The following CSNK2A2IP variants were observed in gnomAD, a reference collection of about 807,000 sequenced individuals.
CSNK2A2IP encodes the protein casein kinase 2 subunit alpha' interacting protein.
At chr3:88,416,954 GTC>G in the CSNK2A2IP span, among the ~76,000 whole-genome samples, 1 of 151,826 alleles carries the variant, frequency 6.6e-6, no homozygotes, top group African/African-American at 2.4e-5. Context: ...CACTATGAGT[GTC>G]TCTCTGAATT....
At chr3:88,368,808 G>A in the CSNK2A2IP span, among the ~76,000 whole-genome samples, 1 of 152,044 alleles carries the variant, frequency 6.6e-6, no homozygotes, top group Non-Finnish European at 1.5e-5. Flanking sequence ...TAGGGTGGAT[G>A]CCAGTAGCTA....
chr3:88,396,451 G>A, the CSNK2A2IP span, among the ~76,000 whole-genome samples: 109 of 152,276 alleles, frequency 7.2e-4, 1 homozygote, highest in African/African-American at 2.3e-3. Flanking sequence ...TTGACCTTAG[G>A]AGGAGAGTAC....
chr3:88,461,616 G>T, the CSNK2A2IP span, among the ~76,000 whole-genome samples: 11 of 152,058 alleles, frequency 7.2e-5, no homozygotes, highest in African/African-American at 1.2e-4. Context: ...CAAAGGAGTT[G>T]TATCAACTTA....
At chr3:88,339,021 G>A in the CSNK2A2IP span, among the ~76,000 whole-genome samples, 1 of 151,776 alleles carries the variant, frequency 6.6e-6, no homozygotes, top group African/African-American at 2.4e-5. Context: ...AGGGTAATTG[G>A]GGTAGCCATT....
the CSNK2A2IP span, among the ~76,000 whole-genome samples, chr3:88,358,312 G>A: frequency 1.3e-5 from 2 of 151,836 alleles, no homozygotes; most frequent in African/African-American, 4.8e-5. Flanking sequence ...TTCCAATTTG[G>A]GTGCCCTTTA....
chr3:88,413,354 T>G, the CSNK2A2IP span, among the ~76,000 whole-genome samples: 3 of 151,952 alleles, frequency 2.0e-5, no homozygotes, highest in Non-Finnish European at 4.4e-5. Flanking sequence ...CTAAGAGAAC[T>G]AAAGATTCAA....
the CSNK2A2IP span, among the ~76,000 whole-genome samples, chr3:88,458,130 T>C: frequency 6.7e-6 from 1 of 150,086 alleles, no homozygotes; most frequent in Non-Finnish European, 1.5e-5. Context: ...ATCCTGATAT[T>C]TGTAATTGTG....
the CSNK2A2IP span, among the ~76,000 whole-genome samples, chr3:88,412,816 C>G: frequency 6.6e-6 from 1 of 151,922 alleles, no homozygotes; most frequent in Non-Finnish European, 1.5e-5. Context: ...TAGTACCACA[C>G]CGGTATTTCT....
chr3:88,355,445 A>T, the CSNK2A2IP span, among the ~76,000 whole-genome samples: 5 of 152,044 alleles, frequency 3.3e-5, no homozygotes, highest in African/African-American at 9.7e-5. Flanking sequence ...CAAAGCAAAA[A>T]AAATCTGCAT....
chr3:88,401,803 A>T, the CSNK2A2IP span, among the ~76,000 whole-genome samples: 3 of 152,112 alleles, frequency 2.0e-5, no homozygotes, highest in Non-Finnish European at 2.9e-5. Context: ...GGAAAAAAGA[A>T]GAACACAGGG....
the CSNK2A2IP span, among the ~76,000 whole-genome samples, chr3:88,367,972 G>A: frequency 6.6e-6 from 1 of 152,034 alleles, no homozygotes; most frequent in Non-Finnish European, 1.5e-5. Context: ...TTGTGAAAAT[G>A]AATATACCAA....
chr3:88,388,377 A>G, the CSNK2A2IP span, among the ~76,000 whole-genome samples: 3 of 152,320 alleles, frequency 2.0e-5, no homozygotes, highest in East Asian at 5.8e-4. Flanking sequence ...GTTTCTGCAC[A>G]TATATTATTC....
At chr3:88,342,912 C>T in the CSNK2A2IP span, among the ~76,000 whole-genome samples, 2 of 151,898 alleles carry the variant, frequency 1.3e-5, no homozygotes, top group Non-Finnish European at 2.9e-5. Flanking sequence ...GGGCTATGAG[C>T]ACTTGCTATT....
At chr3:88,372,020 A>G in the CSNK2A2IP span, among the ~76,000 whole-genome samples, 1 of 151,730 alleles carries the variant, frequency 6.6e-6, no homozygotes, top group East Asian at 1.9e-4. Flanking sequence ...TTGTTGCACC[A>G]GTGAAAACAA....
At chr3:88,404,875 T>G in the CSNK2A2IP span, among the ~76,000 whole-genome samples, 1 of 152,140 alleles carries the variant, frequency 6.6e-6, no homozygotes, top group Non-Finnish European at 1.5e-5. Flanking sequence ...GTTTACTTCT[T>G]TCTAAAATCC....
chr3:88,356,097 G>A, the CSNK2A2IP span, among the ~76,000 whole-genome samples: 3 of 152,066 alleles, frequency 2.0e-5, no homozygotes, highest in African/African-American at 7.2e-5. Context: ...TGTTAGGAAT[G>A]TTCCAATCCA....
At chr3:88,374,546 C>T in the CSNK2A2IP span, among the ~76,000 whole-genome samples, 1 of 151,514 alleles carries the variant, frequency 6.6e-6, no homozygotes, top group African/African-American at 2.4e-5. Context: ...CCAATATATC[C>T]ATTTTATTGT....
At chr3:88,411,424 A>G in the CSNK2A2IP span, among the ~76,000 whole-genome samples, 2 of 151,116 alleles carry the variant, frequency 1.3e-5, no homozygotes, top group Admixed American at 1.3e-4. Context: ...CATCTAACTG[A>G]CCTGTCTCTG....
the CSNK2A2IP span, chr3:88,399,538 A>T: frequency 6.6e-6 from 1 of 152,200 alleles, no homozygotes; most frequent in Non-Finnish European, 1.5e-5. Flanking sequence ...ATAAATGTTT[A>T]TTAAGTGCTT....
Sources: gnomAD v4.1 joint callset for allele counts (sites outside exome capture counted in the v4.1 genomes callset) on GRCh38, gnomAD v4.1.1 for gene constraint, MANE v1.5 for transcripts, NCBI Gene and HGNC (gene_info 2026-07-23, HGNC 2026-07-21) for gene names.